ITPR1: variants seen among roughly 807,000 people sequenced by gnomAD.
The protein encoded by ITPR1 is inositol 1,4,5-trisphosphate-gated calcium channel ITPR1.
In ITPR1, 96 loss-of-function variants were observed where a neutral mutation model predicts 318.4. The ratio of observed to expected loss-of-function variants is 0.30; its 90% confidence interval spans 0.26 to 0.36. The LOEUF (loss-of-function observed/expected upper bound fraction) is 0.36. ITPR1 is among the 10% of genes least tolerant of loss of function. The pLI is 1.00. For synonymous variants in ITPR1, 1,312 were observed against 1,289.9 expected (o/e 1.02, Z -0.37); for missense variants, 2,440 against 3,460.2 (o/e 0.71, Z 7.40).
intron 4 of ITPR1, among the ~76,000 whole-genome samples, chr3:4,608,267 A>G (rs113369191): frequency 1.1e-4 from 17 of 152,206 alleles, no homozygotes; most frequent in Admixed American, 4.6e-4. Flanking sequence ...AACCTTCTCC[A>G]TGTGACTGTC....
chr3:4,612,755 T>G (rs970781559), intron 4 of ITPR1, among the ~76,000 whole-genome samples: 6 of 151,924 alleles, frequency 3.9e-5, no homozygotes, highest in African/African-American at 1.4e-4. Context: ...GGTGTGGTGG[T>G]GGGGGCCTGT....
At chr3:4,814,591 C>T in intron 58 of ITPR1, 29 bp downstream of exon 58, 1 of 664,796 alleles carries the variant, frequency 1.5e-6, no homozygotes, top group Non-Finnish European at 2.3e-6. Context: ...GAAGGAAGGG[C>T]AAAGGGGGCG....
chr3:4,645,278 T>A, intron 8 of ITPR1, 109 bp from the exon 9 acceptor site: 2 of 739,990 alleles, frequency 2.7e-6, no homozygotes, highest in South Asian at 3.1e-5. Context: ...TTAGAGTTTT[T>A]AGTCTCAAGT....
chr3:4,602,541 A>C (rs918158746), intron 4 of ITPR1, among the ~76,000 whole-genome samples: 1 of 152,074 alleles, frequency 6.6e-6, no homozygotes, highest in Non-Finnish European at 1.5e-5. Context: ...AAAAAAAAAA[A>C]AAAAAAAACT....
intron 4 of ITPR1, among the ~76,000 whole-genome samples, chr3:4,582,590 G>C (rs1442409197): frequency 6.6e-6 from 1 of 152,212 alleles, no homozygotes; most frequent in Non-Finnish European, 1.5e-5. Context: ...ATGAGTGGTT[G>C]ACCATGTTGC....
At chr3:4,605,207 C>A (rs1378435958) in intron 4 of ITPR1, among the ~76,000 whole-genome samples, 1 of 152,138 alleles carries the variant, frequency 6.6e-6, no homozygotes, top group Admixed American at 6.5e-5. Context: ...CCACCTCGGC[C>A]TCCCAAAGTT....
intron 61 of ITPR1, among the ~76,000 whole-genome samples, chr3:4,845,440 A>G (rs1333131346): frequency 6.6e-6 from 1 of 152,228 alleles, no homozygotes; most frequent in Non-Finnish European, 1.5e-5. Flanking sequence ...AACCAAATGA[A>G]TAGAATCGGC....
chr3:4,696,158 A>T (rs9682063), intron 33 of ITPR1, among the ~76,000 whole-genome samples: 6 of 152,152 alleles, frequency 3.9e-5, no homozygotes, highest in Admixed American at 6.5e-5. Context: ...AAAGTGTACA[A>T]TTGAGTGGTT....
At chr3:4,730,762 T>C (rs2042874375) in intron 42 of ITPR1, among the ~76,000 whole-genome samples, 1 of 152,196 alleles carries the variant, frequency 6.6e-6, no homozygotes, top group African/African-American at 2.4e-5. Flanking sequence ...GGAATCGTGG[T>C]ACACAGGCTC....
At chr3:4,688,296 G>A (rs757729117) in intron 30 of ITPR1, among the ~76,000 whole-genome samples, 199 bp from the exon 31 acceptor site, 1 of 152,204 alleles carries the variant, frequency 6.6e-6, no homozygotes. Flanking sequence ...ACCCAAATAA[G>A]ATCTTCACTT....
At chr3:4,501,273 C>T (rs1453789471) in intron 2 of ITPR1, among the ~76,000 whole-genome samples, 1 of 152,036 alleles carries the variant, frequency 6.6e-6, no homozygotes, top group East Asian at 1.9e-4. Context: ...GTCTCACATA[C>T]ACAATGAACA....
chr3:4,782,765 C>G, intron 50 of ITPR1, 24 bp downstream of exon 50: 6 of 1,440,518 alleles, frequency 4.2e-6, no homozygotes, highest in Non-Finnish European at 5.5e-6. Flanking sequence ...TGTGCCTCCT[C>G]TGGATGCTGC....
chr3:4,513,255 C>T (rs1419114676), intron 2 of ITPR1, among the ~76,000 whole-genome samples: 1 of 152,164 alleles, frequency 6.6e-6, no homozygotes, highest in African/African-American at 2.4e-5. Flanking sequence ...ACTTTCCCGG[C>T]CTTTGTTTTT....
intron 40 of ITPR1, among the ~76,000 whole-genome samples, chr3:4,721,797 G>T (rs975242825): frequency 6.6e-6 from 1 of 152,208 alleles, no homozygotes; most frequent in South Asian, 2.1e-4. Context: ...AGAAAACAAA[G>T]GGTATTTGCA....
At chr3:4,822,786 C>G (rs755104902) in intron 60 of ITPR1, among the ~76,000 whole-genome samples, 1 of 152,164 alleles carries the variant, frequency 6.6e-6, no homozygotes, top group South Asian at 2.1e-4. Context: ...GCTCATTCCC[C>G]GAGATGCAAT....
intron 44 of ITPR1, among the ~76,000 whole-genome samples, chr3:4,765,436 G>A (rs923218793): frequency 1.3e-5 from 2 of 152,230 alleles, no homozygotes; most frequent in African/African-American, 4.8e-5. Context: ...TGTCGACGAT[G>A]GAAATCTGGT....
chr3:4,723,849 G>A (rs2042328113), intron 40 of ITPR1, among the ~76,000 whole-genome samples: 1 of 152,040 alleles, frequency 6.6e-6, no homozygotes. Context: ...TAATACTTCT[G>A]TCTATATCTC....
chr3:4,674,176 TTCCTTTCTTTC>T lies in ITPR1; in HGVS notation c.2457-15_2457-5del. 6.5e-7 allele frequency: 1 copy of T among 1,527,302 alleles called. No individual in the cohort carries two copies. Among genetic ancestry groups the T allele is most frequent in the East Asian group, 2.5e-5 (1 of 40,534 alleles). The allele number at this position is 1,527,302 out of a possible 1,614,324, so 94.6% of individuals were successfully genotyped here. On this transcript the variant is annotated splice_polypyrimidine_tract_variant and intron_variant, in intron 21 of 61. Coordinates refer to ENST00000649015, the MANE Select transcript of ITPR1 (RefSeq NM_001378452.1). ...CTCTGGGAATAACTTGAAATTTTGTTTCCTTTCTTTCTCCTTTCTTTTCAGCTATGATAGTA... is the reference window on the plus strand; with the variant it reads ...CTCTGGGAATAACTTGAAATTTTGTTTCCTTTCTTTTCAGCTATGATAGTA...
chr3:4,540,049 G>A (rs2084284059), intron 4 of ITPR1, among the ~76,000 whole-genome samples: 1 of 150,358 alleles, frequency 6.7e-6, no homozygotes, highest in African/African-American at 2.4e-5. Flanking sequence ...AGTTAAAAGG[G>A]TTAAAAAAAT....
Sources: allele counts gnomAD v4.1 joint callset (sites outside exome capture counted in the v4.1 genomes callset), GRCh38; gene constraint gnomAD v4.1.1; transcripts MANE v1.5; gene names NCBI Gene and HGNC (gene_info 2026-07-23, HGNC 2026-07-21).